ERICH6: variants seen among roughly 807,000 people sequenced by gnomAD.
ERICH6 encodes glutamate-rich protein 6.
In ERICH6, 71 loss-of-function variants were observed where a neutral mutation model predicts 71.0. That is an observed-to-expected ratio of 1.00 (90% CI 0.83 to 1.22). The LOEUF (loss-of-function observed/expected upper bound fraction) is 1.22. Among genes scored for constraint, ERICH6 ranks in the 50% most tolerant of loss-of-function variants. The pLI, the probability that ERICH6 is intolerant of heterozygous loss-of-function variation, is 0.00. For missense variants in ERICH6, 808 were observed against 797.2 expected, an observed-to-expected ratio of 1.01 and a Z score of -0.16; for synonymous variants, 262 against 278.4, an observed-to-expected ratio of 0.94 and a Z score of 0.59.
intron 1 of ERICH6, among the ~76,000 whole-genome samples, chr3:150,702,920 G>GAGAGAGAGAGAGAGAGGGAGAGAGAA: frequency 8.4e-6 from 1 of 118,526 alleles, no homozygotes; most frequent in Admixed American, 9.2e-5. Context: ...GTGTGTCTGT[G>GAGAGAGAGAGAGAGAGGGAGAGAGAA]AGAGAGAGAG....
At chr3:150,698,745 A>G in intron 3 of ERICH6, 46 bp downstream of exon 3, 1 of 1,488,870 alleles carries the variant, frequency 6.7e-7, no homozygotes, top group East Asian at 2.3e-5. Context: ...TATTTCCAAC[A>G]TGCAATCCCT....
intron 3 of ERICH6, among the ~76,000 whole-genome samples, chr3:150,687,656 T>C (rs1340758785): frequency 6.6e-6 from 1 of 152,078 alleles, no homozygotes; most frequent in Non-Finnish European, 1.5e-5. Context: ...CAACTTTGAG[T>C]AAATGTCTAG....
chr3:150,662,758 G>C (rs1727268858), intron 13 of ERICH6, among the ~76,000 whole-genome samples: 1 of 151,670 alleles, frequency 6.6e-6, no homozygotes, highest in Non-Finnish European at 1.5e-5. Context: ...GGCACTCAGA[G>C]TGCTAGGGAG....
chr3:150,660,684 A>G (rs1275236909), intron 13 of ERICH6, among the ~76,000 whole-genome samples: 1 of 152,294 alleles, frequency 6.6e-6, no homozygotes, highest in East Asian at 1.9e-4. Flanking sequence ...ACAGCTTTTG[A>G]CGATTCAAGG....
intron 3 of ERICH6, among the ~76,000 whole-genome samples, chr3:150,688,251 G>A (rs1480990607): frequency 1.3e-5 from 2 of 152,138 alleles, no homozygotes; most frequent in Admixed American, 6.5e-5. Context: ...AGAAATGCCA[G>A]CACAGGTATG....
At chr3:150,671,399 T>C (rs1559911324) in intron 11 of ERICH6, among the ~76,000 whole-genome samples, 1 of 152,238 alleles carries the variant, frequency 6.6e-6, no homozygotes, top group Non-Finnish European at 1.5e-5. Flanking sequence ...AAAGTTTAAA[T>C]ATTAAATGAA....
chr3:150,675,109 G>A (rs1391702919), intron 10 of ERICH6, among the ~76,000 whole-genome samples: 2 of 152,014 alleles, frequency 1.3e-5, no homozygotes, highest in Non-Finnish European at 2.9e-5. Flanking sequence ...CTCCAGCCTG[G>A]GCAACAGAGC....
At chr3:150,674,906 G>A (rs1711594186) in intron 10 of ERICH6, among the ~76,000 whole-genome samples, 3 of 152,138 alleles carry the variant, frequency 2.0e-5, no homozygotes, top group Admixed American at 2.0e-4. Flanking sequence ...GCTGAGGCAG[G>A]TGGATCACCT....
In ERICH6 at chr3:150,669,290, G is replaced by A. The variant is rs1463726057; in HGVS notation, c.1499+6C>T. ...AAATGGCAGCAGCAGGAACCTAGAA[G>A]CTTACCAGACATTTCCATTGGGATG... is the stretch of plus-strand genomic sequence containing the variant. On this transcript the variant is annotated splice_donor_region_variant and intron_variant, in intron 12 of 13. Transcript: ENST00000295910. The A allele has an allele frequency of 6.3e-7, 1 of 1,590,302 alleles. No individual in the cohort carries two copies.
chr3:150,687,525 A>G (rs1364776952), intron 3 of ERICH6, among the ~76,000 whole-genome samples: 1 of 152,018 alleles, frequency 6.6e-6, no homozygotes, highest in East Asian at 1.9e-4. Flanking sequence ...TCTTCATGAG[A>G]TTTTTCAGGT....
At chr3:150,686,466 CT>C in intron 3 of ERICH6, 112 bp from the exon 4 acceptor site, 2 of 857,340 alleles carry the variant, frequency 2.3e-6, no homozygotes, top group Non-Finnish European at 3.6e-6. Context: ...TTTCTTTTAT[CT>C]TTTAATCTTT....
rs185001011 is a variant in ERICH6 at position 150,696,311 on chromosome 3, G to A, written c.553+2480C>T. ...AAAAATAAAGTCCATATTGATTTAG[G>A]TGCTAAAGATAAATAGTAAAATTCT... On this transcript the variant is annotated intron_variant, in intron 3 of 13. Transcript: ENST00000295910. Among the ~76,000 whole-genome samples the A allele has an allele frequency of 1.3e-4, 20 of 152,182 alleles. No homozygotes were observed. In the East Asian group the frequency reaches 3.5e-3, roughly 26 times the overall value.
At chr3:150,660,279 T>C in intron 13 of ERICH6, 124 bp from the exon 14 acceptor site, 12 of 1,098,488 alleles carry the variant, frequency 1.1e-5, no homozygotes, top group South Asian at 3.1e-5. Flanking sequence ...CTCTAATTCA[T>C]CCGTAAGCAG....
At chr3:150,700,445 T>A (rs559400627) in intron 2 of ERICH6, among the ~76,000 whole-genome samples, 3 of 151,872 alleles carry the variant, frequency 2.0e-5, no homozygotes, top group Admixed American at 6.6e-5. Context: ...AAAATTCACC[T>A]GAGGAGTTTC....
intron 3 of ERICH6, among the ~76,000 whole-genome samples, chr3:150,695,777 C>CTATATATATA (rs145221153): frequency 4.8e-4 from 71 of 147,878 alleles, no homozygotes; most frequent in Non-Finnish European, 9.0e-4. Context: ...ATAGTATATA[C>CTATATATATA]TATATATATA....
rs144558330 is a variant in ERICH6, at chr3:150,697,724, A to G, written c.553+1067T>C. Among the ~76,000 whole-genome samples the G allele has an allele frequency of 3.5e-3, 535 of 152,262 alleles. 2 individuals are homozygous for G. Among genetic ancestry groups the G allele is most frequent in the African/African-American group, 0.012 (510 of 41,536 alleles). ...TAACAATGGAGTTCTGCAGGGCTCA[A>G]TCTCTGGGCTCTTGCCCTCATATTT... On this transcript the variant is annotated intron_variant, in intron 3 of 13. Coordinates refer to ENST00000295910, the MANE Select transcript of ERICH6 (RefSeq NM_152394.5).
intron 2 of ERICH6, among the ~76,000 whole-genome samples, chr3:150,701,420 A>C (rs989227859): frequency 5.3e-5 from 8 of 152,192 alleles, no homozygotes; most frequent in African/African-American, 1.9e-4. Flanking sequence ...GTGGGGGTGA[A>C]GAAGGGCATG....
chr3:150,680,576 G>A (rs1394696363), intron 8 of ERICH6, 38 bp from the exon 9 acceptor site: 1 of 1,610,116 alleles, frequency 6.2e-7, no homozygotes, highest in South Asian at 1.1e-5. Flanking sequence ...AATCTGAAAT[G>A]TGGTTGAAGC....
intron 3 of ERICH6, among the ~76,000 whole-genome samples, chr3:150,695,044 C>A (rs1237474350): frequency 6.6e-6 from 1 of 152,214 alleles, no homozygotes; most frequent in African/African-American, 2.4e-5. Context: ...CCATTCATGA[C>A]AGCTGCATCC....
Sources: allele counts gnomAD v4.1 joint callset (sites outside exome capture counted in the v4.1 genomes callset), GRCh38; gene constraint gnomAD v4.1.1; transcripts MANE v1.5; gene names NCBI Gene and HGNC (gene_info 2026-07-23, HGNC 2026-07-21).